LRP1B: variants seen among roughly 807,000 people sequenced by gnomAD.
LRP1B encodes the protein low-density lipoprotein receptor-related protein 1B.
Under a neutral mutation model 556.6 loss-of-function variants are expected in LRP1B, and 217 were observed. That is an observed-to-expected ratio of 0.39 (90% CI 0.35 to 0.44). The LOEUF is 0.44. LRP1B is among the 20% of genes least tolerant of loss of function. The pLI, the probability that LRP1B is intolerant of heterozygous loss-of-function variation, is 1.00. For synonymous variants in LRP1B, 2,047 were observed against 1,865.8 expected, an observed-to-expected ratio of 1.10 and a Z score of -2.50; for missense variants, 5,053 against 5,620.8, an observed-to-expected ratio of 0.90 and a Z score of 3.23.
intron 55 of LRP1B, among the ~76,000 whole-genome samples, chr2:140,498,386 T>C (rs1240074787): frequency 6.6e-6 from 1 of 151,854 alleles, no homozygotes; most frequent in African/African-American, 2.4e-5. Context: ...CTTTTTTCCC[T>C]CCCAGAAGTA....
intron 1 of LRP1B, among the ~76,000 whole-genome samples, chr2:141,817,000 C>G (rs755767847): frequency 6.6e-6 from 1 of 151,996 alleles, no homozygotes; most frequent in Non-Finnish European, 1.5e-5. Context: ...TATTCCATTT[C>G]AAATTCAGTT....
At chr2:141,509,781 C>T (rs1378008487) in intron 2 of LRP1B, among the ~76,000 whole-genome samples, 1 of 152,024 alleles carries the variant, frequency 6.6e-6, no homozygotes, top group Admixed American at 6.6e-5. Flanking sequence ...AAGAATATTA[C>T]CCATTCTTTA....
intron 1 of LRP1B, among the ~76,000 whole-genome samples, chr2:141,986,574 C>G (rs571754452): frequency 2.0e-5 from 3 of 151,884 alleles, no homozygotes; most frequent in Non-Finnish European, 4.4e-5. Context: ...AATCTCTTGA[C>G]TTCTAACATA....
intron 66 of LRP1B, among the ~76,000 whole-genome samples, chr2:140,409,249 A>G (rs1684871159): frequency 1.3e-5 from 2 of 151,844 alleles, no homozygotes; most frequent in Non-Finnish European, 1.5e-5. Context: ...TAGATGTAAA[A>G]CTTTATAGGT....
At chr2:141,212,989 GATA>G (rs1251113859) in intron 6 of LRP1B, among the ~76,000 whole-genome samples, 1 of 152,056 alleles carries the variant, frequency 6.6e-6, no homozygotes, top group Non-Finnish European at 1.5e-5. Flanking sequence ...TGCTTTTTGA[GATA>G]ATCTCACTCT....
chr2:141,673,636 T>C (rs1280959149), intron 2 of LRP1B, among the ~76,000 whole-genome samples: 2 of 152,110 alleles, frequency 1.3e-5, no homozygotes, highest in African/African-American at 4.8e-5. Flanking sequence ...TGTATAACAA[T>C]TTGGGGCCAT....
At chr2:141,800,249 T>A (rs991548546) in intron 2 of LRP1B, among the ~76,000 whole-genome samples, 4 of 152,152 alleles carry the variant, frequency 2.6e-5, no homozygotes, top group African/African-American at 9.7e-5. Context: ...TGAATGACAA[T>A]CTTGCTCCAC....
At chr2:140,976,885 C>T (rs1205220050) in intron 18 of LRP1B, among the ~76,000 whole-genome samples, 1 of 151,960 alleles carries the variant, frequency 6.6e-6, no homozygotes, top group African/African-American at 2.4e-5. Context: ...TTAGGTACTA[C>T]CAACTTACAT....
At chr2:140,409,761 G>A (rs1442499259) in intron 66 of LRP1B, among the ~76,000 whole-genome samples, 1 of 151,774 alleles carries the variant, frequency 6.6e-6, no homozygotes, top group Non-Finnish European at 1.5e-5. Flanking sequence ...TTGTCCCAAA[G>A]CCCACAGCTC....
intron 77 of LRP1B, 122 bp downstream of exon 77, chr2:140,350,675 A>G: frequency 1.2e-6 from 1 of 806,422 alleles, no homozygotes; most frequent in East Asian, 3.1e-5. Context: ...TTTAAGGAGA[A>G]TATTGGGAGA....
chr2:142,013,237 G>A (rs980992162), intron 1 of LRP1B, among the ~76,000 whole-genome samples: 12 of 151,962 alleles, frequency 7.9e-5, no homozygotes, highest in South Asian at 4.2e-4. Flanking sequence ...CTGGAAAGAC[G>A]GAAAGCGGGA....
chr2:141,743,403 T>A (rs1049964738), intron 2 of LRP1B, among the ~76,000 whole-genome samples: 1 of 152,142 alleles, frequency 6.6e-6, no homozygotes, highest in Non-Finnish European at 1.5e-5. Flanking sequence ...CTCTTTAATG[T>A]GTCTTTGTCT....
At chr2:140,464,827 G>A (rs970434536) in intron 60 of LRP1B, among the ~76,000 whole-genome samples, 1 of 152,114 alleles carries the variant, frequency 6.6e-6, no homozygotes, top group Non-Finnish European at 1.5e-5. Context: ...CCTTTGAAAA[G>A]CATTTGCCTC....
At chr2:141,020,369 T>G (rs1217169413) in intron 11 of LRP1B, among the ~76,000 whole-genome samples, 1 of 152,066 alleles carries the variant, frequency 6.6e-6, no homozygotes, top group Non-Finnish European at 1.5e-5. Context: ...AACTCAGATT[T>G]TAATTGAACT....
chr2:140,915,999 G>T (rs1694567355), intron 21 of LRP1B, among the ~76,000 whole-genome samples: 1 of 151,954 alleles, frequency 6.6e-6, no homozygotes, highest in South Asian at 2.1e-4. Context: ...CTGCACTCCA[G>T]CCCGGGTGAC....
intron 86 of LRP1B, among the ~76,000 whole-genome samples, chr2:140,264,187 A>G (rs1682079933): frequency 6.6e-6 from 1 of 151,988 alleles, no homozygotes; most frequent in African/African-American, 2.4e-5. Context: ...GTCAGATTGG[A>G]TTCGGGATCA....
At chr2:140,955,555 CTA>C (rs1323346985) in intron 18 of LRP1B, among the ~76,000 whole-genome samples, 1 of 151,356 alleles carries the variant, frequency 6.6e-6, no homozygotes, top group African/African-American at 2.4e-5. Context: ...GAAAAGAAAA[CTA>C]TATTTTATCT....
At chr2:141,117,095 G>A (rs1041926966) in intron 7 of LRP1B, among the ~76,000 whole-genome samples, 3 of 151,896 alleles carry the variant, frequency 2.0e-5, no homozygotes, top group Non-Finnish European at 4.4e-5. Flanking sequence ...AATGCCCCAA[G>A]TATCTTTTCA....
chr2:141,058,222 C>A (rs1435440053), intron 9 of LRP1B, among the ~76,000 whole-genome samples: 1 of 151,672 alleles, frequency 6.6e-6, no homozygotes, highest in East Asian at 2.0e-4. Context: ...CAATGTACAG[C>A]CGTGATTAGA....
Sources: allele counts gnomAD v4.1 joint callset (sites outside exome capture counted in the v4.1 genomes callset), GRCh38; gene constraint gnomAD v4.1.1; transcripts MANE v1.5; gene names NCBI Gene and HGNC (gene_info 2026-07-23, HGNC 2026-07-21).